Variants in FGGY observed in about 807,000 individuals in gnomAD.
The protein encoded by FGGY is FGGY carbohydrate kinase domain containing, also known as FGGY carbohydrate kinase domain-containing protein.
In FGGY, 72 loss-of-function variants were observed where a neutral mutation model predicts 71.3. That is an observed-to-expected ratio of 1.01 (90% CI 0.84 to 1.23). The LOEUF (loss-of-function observed/expected upper bound fraction) is 1.23, where lower values mean the gene tolerates loss of function less well. Among genes scored for constraint, FGGY ranks in the 50% most tolerant of loss-of-function variants. FGGY has a pLI of 0.00. For missense variants in FGGY, 668 were observed against 682.3 expected (o/e 0.98, Z 0.23); for synonymous variants, 251 against 250.3 (o/e 1.00, Z -0.02).
At chr1:59,326,126 G>T (rs1026602619) in intron 2 of FGGY, among the ~76,000 whole-genome samples, 3 of 152,222 alleles carry the variant, frequency 2.0e-5, no homozygotes, top group African/African-American at 7.2e-5. Flanking sequence ...TTAGCCAACA[G>T]GTGTTTGTTG....
At chr1:59,468,237 G>A (rs983722418) in intron 6 of FGGY, among the ~76,000 whole-genome samples, 16 of 152,070 alleles carry the variant, frequency 1.1e-4, no homozygotes, top group Non-Finnish European at 1.8e-4. Flanking sequence ...ATGGACTTTC[G>A]TAAATTTTTT....
intron 14 of FGGY, among the ~76,000 whole-genome samples, chr1:59,741,964 C>T (rs1263161926): frequency 6.7e-6 from 1 of 148,376 alleles, no homozygotes; most frequent in Non-Finnish European, 1.5e-5. Context: ...AAAAGCCAGT[C>T]ACCGTGGTGC....
chr1:59,361,327 G>A (rs1383076546), intron 4 of FGGY, among the ~76,000 whole-genome samples: 1 of 152,146 alleles, frequency 6.6e-6, no homozygotes, highest in Non-Finnish European at 1.5e-5. Flanking sequence ...AAGAGATAAA[G>A]TCACAGTACA....
chr1:59,437,379 A>T (rs988517697), intron 5 of FGGY, among the ~76,000 whole-genome samples: 1 of 152,264 alleles, frequency 6.6e-6, no homozygotes, highest in Admixed American at 6.5e-5. Context: ...CTCTCATCAC[A>T]GGCCAGGCAC....
At chr1:59,423,669 C>T (rs74339020) in intron 5 of FGGY, among the ~76,000 whole-genome samples, 11,527 of 152,218 alleles carry the variant, frequency 0.076, 505 homozygotes, top group African/African-American at 0.11. Context: ...GAGCATAGCA[C>T]TGAATACCCT....
intron 6 of FGGY, among the ~76,000 whole-genome samples, chr1:59,505,533 C>T (rs2094356296): frequency 6.6e-6 from 1 of 152,152 alleles, no homozygotes; most frequent in South Asian, 2.1e-4. Flanking sequence ...GCCCCCAGTG[C>T]CAAGCACAGA....
intron 13 of FGGY, among the ~76,000 whole-genome samples, chr1:59,671,535 G>A (rs1440882304): frequency 1.3e-5 from 2 of 152,216 alleles, no homozygotes; most frequent in East Asian, 1.9e-4. Context: ...AGTAGGTGGA[G>A]GGAGGAAGGG....
chr1:59,505,890 AGCCCCC>A (rs1558154774), intron 6 of FGGY, among the ~76,000 whole-genome samples: 1 of 152,118 alleles, frequency 6.6e-6, no homozygotes, highest in African/African-American at 2.4e-5. Flanking sequence ...GTGTAATAGG[AGCCCCC>A]GCCTGTGAAG....
chr1:59,361,575 G>A (rs932674024), intron 4 of FGGY, among the ~76,000 whole-genome samples: 5 of 152,158 alleles, frequency 3.3e-5, no homozygotes, highest in African/African-American at 7.2e-5. Context: ...CTGTGAATCC[G>A]TCAAAAGTTC....
At chr1:59,317,544 A>G (rs1230233578) in intron 1 of FGGY, among the ~76,000 whole-genome samples, 1 of 152,198 alleles carries the variant, frequency 6.6e-6, no homozygotes, top group Non-Finnish European at 1.5e-5. Flanking sequence ...CTGGTTGCAT[A>G]AGATTAGGAG....
In FGGY at chr1:59,339,870, CTG is replaced by C. The variant is rs1235131183; in HGVS notation, c.202-86_202-85del. ...TATGTTGTAAAGATTTTTTTCTATT[CTG>C]TCATTCCTTCCTTCTAGTTGTAACT... On this transcript the variant is annotated intron_variant, in intron 2 of 15. Coordinates refer to ENST00000303721, the MANE Select transcript of FGGY (RefSeq NM_018291.5). 3 of 715,788 alleles carry C rather than the reference CTG, an allele frequency of 4.2e-6. No individual in the cohort carries two copies. The African/African-American group carries it at 5.4e-5, about 13-fold the overall frequency. The allele number at this position is 715,788 out of a possible 1,614,324, so 44.3% of individuals were successfully genotyped here.
chr1:59,706,504 C>T (rs928373818), intron 14 of FGGY, among the ~76,000 whole-genome samples: 3 of 152,184 alleles, frequency 2.0e-5, no homozygotes, highest in African/African-American at 7.2e-5. Context: ...TCTCATTTCA[C>T]AGCCAATTGA....
At chr1:59,574,567 A>G (rs1014008997) in intron 8 of FGGY, among the ~76,000 whole-genome samples, 1 of 152,168 alleles carries the variant, frequency 6.6e-6, no homozygotes, top group African/African-American at 2.4e-5. Flanking sequence ...AAGAAGTGAC[A>G]TTTAAATGTG....
rs796421001 is a variant in FGGY, at chr1:59,665,628, C to T, written c.1297-1655C>T. ...CCATTTGCCCTCTACCCCCAACCCC[C>T]CTAAGACGTGAGGTCAGGGCAGCAT... is the stretch of plus-strand genomic sequence containing the variant. On this transcript the variant is annotated intron_variant, in intron 12 of 15. Transcript: ENST00000303721. 3.3e-4 allele frequency among the ~76,000 whole-genome samples: 50 copies of T among 152,200 alleles called. 1 individual carries two copies. The highest frequency in any genetic ancestry group is 1.1e-3 in the African/African-American group (46 of 41,536).
At chr1:59,439,203 G>A (rs1266147249) in intron 5 of FGGY, among the ~76,000 whole-genome samples, 3 of 152,120 alleles carry the variant, frequency 2.0e-5, no homozygotes, top group Non-Finnish European at 4.4e-5. Flanking sequence ...CCGTGTGCCT[G>A]ACACCTTGCA....
intron 8 of FGGY, among the ~76,000 whole-genome samples, chr1:59,563,969 G>T (rs971554244): frequency 2.6e-5 from 4 of 152,124 alleles, no homozygotes; most frequent in African/African-American, 9.7e-5. Flanking sequence ...AATGGTGTTG[G>T]GAAAACTGGC....
intron 4 of FGGY, among the ~76,000 whole-genome samples, chr1:59,377,116 G>A (rs1195080625): frequency 6.6e-6 from 1 of 152,086 alleles, no homozygotes; most frequent in Non-Finnish European, 1.5e-5. Flanking sequence ...CTGCTTGGCA[G>A]CTGAGGGTCC....
chr1:59,355,370 A>G (rs896028728), intron 4 of FGGY, among the ~76,000 whole-genome samples: 2 of 152,232 alleles, frequency 1.3e-5, no homozygotes, highest in African/African-American at 4.8e-5. Context: ...CAGTATGGAA[A>G]AAAAGACTGG....
At chr1:59,762,390 T>C in intron 15 of FGGY, 113 bp from the exon 16 acceptor site, 1 of 728,478 alleles carries the variant, frequency 1.4e-6, no homozygotes. Flanking sequence ...GCATTCAGAA[T>C]CTAGGTGTCA....
Sources: allele counts gnomAD v4.1 joint callset (sites outside exome capture counted in the v4.1 genomes callset), GRCh38; gene constraint gnomAD v4.1.1; transcripts MANE v1.5; gene names NCBI Gene and HGNC (gene_info 2026-07-23, HGNC 2026-07-21).